Variants in MYO1D observed in about 807,000 individuals in gnomAD.
MYO1D encodes myosin ID.
A neutral mutation model predicts 122.0 loss-of-function variants in MYO1D; 83 were observed. The observed-to-expected ratio is 0.68, with a 90% CI of 0.57 to 0.82. The LOEUF is 0.82. Among genes scored for constraint, MYO1D ranks in the 40% least tolerant of loss-of-function variants. The pLI is 0.00. For missense variants in MYO1D, 1,157 were observed against 1,269.5 expected (o/e 0.91, Z 1.35); for synonymous variants, 464 against 446.9 (o/e 1.04, Z -0.48).
At chr17:32,702,957 G>A (rs112538906) in intron 16 of MYO1D, among the ~76,000 whole-genome samples, 29 of 152,354 alleles carry the variant, frequency 1.9e-4, no homozygotes, top group African/African-American at 7.0e-4. Flanking sequence ...GACAGTTCTT[G>A]CTGCTGTAGA....
At chr17:32,740,124 G>A (rs1001653555) in intron 13 of MYO1D, among the ~76,000 whole-genome samples, 3 of 152,008 alleles carry the variant, frequency 2.0e-5, no homozygotes, top group Non-Finnish European at 4.4e-5. Flanking sequence ...ATAATTTAAG[G>A]CAACGTTCTT....
intron 10 of MYO1D, 101 bp downstream of exon 10, chr17:32,760,189 T>C (rs2089984951): frequency 9.7e-7 from 1 of 1,033,172 alleles, no homozygotes; most frequent in Non-Finnish European, 1.5e-6. Flanking sequence ...GTTCAGATGT[T>C]TCAAATACCC....
chr17:32,659,491 C>T, intron 16 of MYO1D, 153 bp from the exon 17 acceptor site: 2 of 668,094 alleles, frequency 3.0e-6, no homozygotes, highest in Admixed American at 2.7e-5. Flanking sequence ...TCAGTTCCAC[C>T]TGCCACCAAC....
chr17:32,853,901 AAAC>A (rs2091008764), intron 1 of MYO1D, among the ~76,000 whole-genome samples: 1 of 152,358 alleles, frequency 6.6e-6, no homozygotes, highest in African/African-American at 2.4e-5. Flanking sequence ...CTTCAAGTTC[AAAC>A]AACTGTCTCG....
intron 21 of MYO1D, among the ~76,000 whole-genome samples, chr17:32,553,527 T>TG (rs2087041125): frequency 6.6e-6 from 1 of 152,168 alleles, no homozygotes; most frequent in African/African-American, 2.4e-5. Context: ...TTCTAGCAGC[T>TG]GAAAAAGGAC....
intron 21 of MYO1D, among the ~76,000 whole-genome samples, chr17:32,537,031 C>T (rs1191254502): frequency 6.6e-6 from 1 of 152,150 alleles, no homozygotes; most frequent in African/African-American, 2.4e-5. Flanking sequence ...ACTTGATTTG[C>T]CCAAGGAATG....
At chr17:32,536,403 C>G (rs1355552015) in intron 21 of MYO1D, among the ~76,000 whole-genome samples, 1 of 152,160 alleles carries the variant, frequency 6.6e-6, no homozygotes, top group Admixed American at 6.6e-5. Context: ...AATCACAAGT[C>G]ATATCTTGAA....
In MYO1D at chr17:32,780,741, C is replaced by T. The variant is rs369774478; in HGVS notation, c.139G>A (p.Val47Ile). ...AACAACTTGTAAGGGTTCACAGAAACGACGACTTCTCCAATGAACGTATAG... is the reference window on the plus strand; with the variant it reads ...AACAACTTGTAAGGGTTCACAGAAATGACGACTTCTCCAATGAACGTATAG... Reference protein sequence around the residue: ...RIYTFIGEVVVSVNPYKLLNI... With the variant: ...RIYTFIGEVVISVNPYKLLNI... Residue 47 changes from valine to isoleucine, a missense_variant, in exon 2 of 22, where the codon GTT becomes ATT. Transcript: ENST00000318217. The T allele has an allele frequency of 6.3e-5, 101 of 1,614,142 alleles. 1 individual carries two copies. The highest frequency in any genetic ancestry group is 3.3e-4 in the Middle Eastern group (2 of 6,062).
chr17:32,591,449 GCT>G (rs2087437931), intron 21 of MYO1D, among the ~76,000 whole-genome samples: 1 of 152,126 alleles, frequency 6.6e-6, no homozygotes, highest in South Asian at 2.1e-4. Context: ...ATGACAGGCG[GCT>G]CTTTCTAGGA....
intron 20 of MYO1D, among the ~76,000 whole-genome samples, chr17:32,629,296 G>A (rs2087970971): frequency 6.6e-6 from 1 of 152,088 alleles, no homozygotes; most frequent in South Asian, 2.1e-4. Context: ...ATACTGTAAT[G>A]GTGGATACAT....
At chr17:32,603,003 T>C (rs1306443072) in intron 21 of MYO1D, among the ~76,000 whole-genome samples, 4 of 152,042 alleles carry the variant, frequency 2.6e-5, no homozygotes, top group Non-Finnish European at 4.4e-5. Flanking sequence ...TTCTGGGGTC[T>C]GGGAGGAAAG....
intron 21 of MYO1D, among the ~76,000 whole-genome samples, chr17:32,587,213 T>C (rs1286470429): frequency 6.6e-6 from 1 of 151,900 alleles, no homozygotes; most frequent in African/African-American, 2.4e-5. Context: ...ATTCACTGAG[T>C]AAAAAGTAAC....
rs1316986627 is a variant in MYO1D, at chr17:32,775,905, C to T, written c.523G>A (p.Asp175Asn). The T allele has an allele frequency of 6.2e-7, 1 of 1,613,562 alleles. No individual in the cohort carries two copies. The highest frequency in any genetic ancestry group is 8.5e-7 in the Non-Finnish European group (1 of 1,179,718). The change falls in exon 4 of 22, where the codon GAC (aspartate) becomes AAC (asparagine). Residue 175 changes from aspartate to asparagine, a missense_variant. Transcript: ENST00000318217. ...YMDINFDFKG[D>N]PIGGHINNYL... ...TTATTGATATGCCCACCAATAGGGT[C>T]ACCCTTGAAGTCAAAGTTGATATCC... is the stretch of plus-strand genomic sequence containing the variant.
intron 20 of MYO1D, among the ~76,000 whole-genome samples, chr17:32,633,721 G>C (rs1345699494): frequency 6.7e-6 from 1 of 149,638 alleles, no homozygotes; most frequent in Non-Finnish European, 1.5e-5. Context: ...CTTCCTCCCT[G>C]CTCGTGTCTC....
chr17:32,735,081 AACACACACACACACACACAC>A (rs371150333), intron 14 of MYO1D, among the ~76,000 whole-genome samples: 5 of 138,032 alleles, frequency 3.6e-5, no homozygotes, highest in African/African-American at 5.5e-5. Flanking sequence ...ATTCCATCTG[AACACACACACACACACACAC>A]ACACACACAC....
intron 21 of MYO1D, among the ~76,000 whole-genome samples, chr17:32,501,843 C>A (rs1185055773): frequency 6.6e-6 from 1 of 152,158 alleles, no homozygotes; most frequent in Non-Finnish European, 1.5e-5. Context: ...ATTAATTGAA[C>A]CCAAAGAGGA....
chr17:32,814,532 A>G (rs1419781577), intron 1 of MYO1D, among the ~76,000 whole-genome samples: 1 of 152,238 alleles, frequency 6.6e-6, no homozygotes, highest in Non-Finnish European at 1.5e-5. Context: ...TAATCAGAGT[A>G]GCCATTTGTT....
At chr17:32,778,395 C>T (rs1396269234) in intron 3 of MYO1D, 85 bp downstream of exon 3, 1 of 1,340,524 alleles carries the variant, frequency 7.5e-7, no homozygotes, top group African/African-American at 1.5e-5. Context: ...CCCCAAAATG[C>T]TCAACCCCTA....
chr17:32,589,152 C>T (rs1368657095), intron 21 of MYO1D, among the ~76,000 whole-genome samples: 1 of 152,168 alleles, frequency 6.6e-6, no homozygotes, highest in Admixed American at 6.5e-5. Flanking sequence ...ACAAAATCAA[C>T]AAACGGCATA....
Sources: gnomAD v4.1 joint callset for allele counts (sites outside exome capture counted in the v4.1 genomes callset) on GRCh38, gnomAD v4.1.1 for gene constraint, MANE v1.5 for transcripts, NCBI Gene and HGNC (gene_info 2026-07-23, HGNC 2026-07-21) for gene names.